ERBIN: variants seen among roughly 807,000 people sequenced by gnomAD.
ERBIN encodes erbb2 interacting protein, also known as densin-180-like protein.
ERBIN carries 60 observed loss-of-function variants against 158.4 expected under a neutral mutation model. The ratio of observed to expected loss-of-function variants is 0.38; its 90% confidence interval spans 0.31 to 0.47. ERBIN has a LOEUF of 0.47. ERBIN is among the 20% of genes least tolerant of loss of function. The pLI is 0.99. For synonymous variants in ERBIN, 594 were observed against 557.2 expected (o/e 1.07, Z -0.93); for missense variants, 1,610 against 1,648.0 (o/e 0.98, Z 0.40).
chr5:65,973,713 G>A (rs527954650), intron 1 of ERBIN, among the ~76,000 whole-genome samples: 6 of 151,456 alleles, frequency 4.0e-5, no homozygotes, highest in South Asian at 4.1e-4. Context: ...GGAATGAGGA[G>A]TCAGTAGTAA....
chr5:66,002,981 T>C (rs978946522), intron 4 of ERBIN, among the ~76,000 whole-genome samples: 1 of 152,226 alleles, frequency 6.6e-6, no homozygotes, highest in Non-Finnish European at 1.5e-5. Flanking sequence ...TTTTGATAAA[T>C]GTAGACTGTT....
At chr5:65,928,145 G>A (rs1483924057) in intron 1 of ERBIN, among the ~76,000 whole-genome samples, 1 of 151,928 alleles carries the variant, frequency 6.6e-6, no homozygotes, top group African/African-American at 2.4e-5. Flanking sequence ...TTTGTTCTTT[G>A]CTACTTCAGC....
chr5:65,960,170 A>C (rs1191625202), intron 1 of ERBIN, among the ~76,000 whole-genome samples: 1 of 152,248 alleles, frequency 6.6e-6, no homozygotes, highest in Non-Finnish European at 1.5e-5. Context: ...AGAATGAACT[A>C]CTTTTTTCAT....
intron 14 of ERBIN, among the ~76,000 whole-genome samples, chr5:66,037,080 A>G (rs1757468468): frequency 6.6e-6 from 1 of 152,188 alleles, no homozygotes; most frequent in African/African-American, 2.4e-5. Flanking sequence ...TGAGTTTTTA[A>G]AAGCCTCCCA....
chr5:66,024,433 A>G lies in ERBIN; in HGVS notation c.800A>G (p.Gln267Arg). Residue 267 changes from glutamine to arginine, a missense_variant, in exon 10 of 26, where the codon CAG becomes CGG. Around this residue, in one of 2 missense-constraint regions of ERBIN, gnomAD observed 596 missense variants for 711.9 expected, o/e 0.84. Transcript: ENST00000284037. ...DLLLSSNSLQ[Q>R]LPETIGSLKN... ...CTATTATCAAGCAATTCACTTCAGC[A>G]GCTTCCTGAGACTATTGGTTTGTAT... The G allele has an allele frequency of 1.9e-6, 3 of 1,595,618 alleles. No homozygotes were observed. Among genetic ancestry groups the G allele is most frequent in the Middle Eastern group, 1.7e-4 (1 of 5,962 alleles).
intron 1 of ERBIN, among the ~76,000 whole-genome samples, chr5:65,969,208 C>G (rs1748988269): frequency 1.3e-5 from 2 of 152,058 alleles, no homozygotes; most frequent in African/African-American, 4.8e-5. Context: ...AACAGGTAAA[C>G]AGGAAAACAC....
intron 1 of ERBIN, among the ~76,000 whole-genome samples, chr5:65,942,748 A>T (rs1327509890): frequency 2.0e-5 from 3 of 152,126 alleles, no homozygotes; most frequent in African/African-American, 7.2e-5. Flanking sequence ...AACATGGTGA[A>T]ACTCTGTGTC....
chr5:65,976,524 T>A (rs568848550), intron 1 of ERBIN, among the ~76,000 whole-genome samples: 1 of 151,564 alleles, frequency 6.6e-6, no homozygotes. Context: ...TTTTTTCTTT[T>A]TTTTTTTTTT....
chr5:66,037,008 T>C (rs1757461238), intron 14 of ERBIN, among the ~76,000 whole-genome samples: 1 of 152,246 alleles, frequency 6.6e-6, no homozygotes, highest in East Asian at 1.9e-4. Flanking sequence ...AATTCAGTGG[T>C]TTTTAGTATA....
intron 4 of ERBIN, among the ~76,000 whole-genome samples, chr5:65,998,256 A>T (rs1024551427): frequency 6.7e-6 from 1 of 149,078 alleles, no homozygotes; most frequent in African/African-American, 2.4e-5. Context: ...ATATATATAT[A>T]TATTTATATA....
At chr5:66,039,608 T>G (rs375776921) in intron 15 of ERBIN, among the ~76,000 whole-genome samples, 47 of 152,150 alleles carry the variant, frequency 3.1e-4, no homozygotes, top group African/African-American at 1.1e-3. Context: ...GGTTTGCACT[T>G]CTATTTTTAA....
intron 1 of ERBIN, among the ~76,000 whole-genome samples, chr5:65,964,588 A>G (rs1748314426): frequency 6.6e-6 from 1 of 152,198 alleles, no homozygotes; most frequent in Non-Finnish European, 1.5e-5. Context: ...TGCAACAAAC[A>G]TGGGCTGTGT....
chr5:66,044,176 G>T lies in ERBIN; in HGVS notation c.1468G>T (p.Glu490Ter). Residue 490 changes from glutamate to a stop codon, truncating the protein, a stop_gained, in exon 17 of 26, where the codon GAG becomes TAG. Transcript: ENST00000284037. LOFTEE classifies it high-confidence loss of function. ...AAGATATCCAACACCATACCCAGAT[G>T]AGCTTAAGAATATGGTCAAAACTGT... ...LKRYPTPYPD[E>*]LKNMVKTVQT... is the part of the protein sequence containing the mutation. The T allele has an allele frequency of 1.3e-6, 2 of 1,591,500 alleles. No homozygotes were observed. Among genetic ancestry groups the T allele is most frequent in the South Asian group, 2.3e-5 (2 of 85,766 alleles).
chr5:66,036,922 G>C (rs1161605630), intron 14 of ERBIN, among the ~76,000 whole-genome samples: 1 of 152,138 alleles, frequency 6.6e-6, no homozygotes, highest in Non-Finnish European at 1.5e-5. Flanking sequence ...ATAAATAACA[G>C]GTGACTAGTT....
intron 1 of ERBIN, among the ~76,000 whole-genome samples, chr5:65,961,774 G>T (rs1041775431): frequency 6.6e-6 from 1 of 152,098 alleles, no homozygotes; most frequent in Non-Finnish European, 1.5e-5. Flanking sequence ...GAGAATGTGT[G>T]GTGATGAATT....
intron 1 of ERBIN, among the ~76,000 whole-genome samples, chr5:65,969,040 A>G (rs1265557336): frequency 2.0e-5 from 3 of 152,222 alleles, no homozygotes; most frequent in South Asian, 2.1e-4. Flanking sequence ...TTAAGGGCAT[A>G]TAAGTGAATG....
At chr5:66,038,963 T>G (rs146828104) in intron 15 of ERBIN, among the ~76,000 whole-genome samples, 16 of 152,052 alleles carry the variant, frequency 1.1e-4, no homozygotes, top group Admixed American at 3.3e-4. Context: ...TTTTATAGAT[T>G]ATGGTATGAC....
In ERBIN at chr5:65,987,884, T is replaced by C. The variant is rs183476161; in HGVS notation, c.-57-751T>C. On this transcript the variant is annotated intron_variant, in intron 1 of 25. Transcript: ENST00000284037. ...ATCTTAGAAGGGAAAATAAATCCCA[T>C]AAACAATTAACAGTGCCTGCCACAT... 7.1e-3 allele frequency among the ~76,000 whole-genome samples: 1,077 copies of C among 151,072 alleles called. 14 individuals carry two copies. Among genetic ancestry groups the C allele is most frequent in the Admixed American group, 0.01 (159 of 15,178 alleles).
chr5:65,955,148 T>C (rs1158781282), intron 1 of ERBIN, among the ~76,000 whole-genome samples: 2 of 152,152 alleles, frequency 1.3e-5, no homozygotes, highest in Non-Finnish European at 2.9e-5. Context: ...AGTCTTAAAA[T>C]GGTTCGGATT....
Sources: allele counts gnomAD v4.1 joint callset (sites outside exome capture counted in the v4.1 genomes callset), GRCh38; gene constraint gnomAD v4.1.1; regional missense constraint gnomAD v4.1.1; transcripts MANE v1.5; gene names NCBI Gene and HGNC (gene_info 2026-07-23, HGNC 2026-07-21).